Variants in PLCL1 observed in about 807,000 individuals in gnomAD.
PLCL1 encodes the protein inactive phospholipase C-like protein 1.
In PLCL1, 41 loss-of-function variants were observed where a neutral mutation model predicts 84.4. That is an observed-to-expected ratio of 0.49 (90% CI 0.38 to 0.63). The LOEUF is 0.63. Ranked by LOEUF, PLCL1 falls within the 30% of genes least tolerant of loss-of-function variation. The pLI is 0.00. For synonymous variants in PLCL1, 490 were observed against 488.3 expected, an observed-to-expected ratio of 1.00 and a Z score of -0.05; for missense variants, 1,206 against 1,367.8, an observed-to-expected ratio of 0.88 and a Z score of 1.87.
chr2:198,039,097 C>A (rs1271673914), intron 1 of PLCL1, among the ~76,000 whole-genome samples: 1 of 152,032 alleles, frequency 6.6e-6, no homozygotes, highest in Non-Finnish European at 1.5e-5. Context: ...GTTCTTTATA[C>A]ATTTTTGTGG....
intron 1 of PLCL1, among the ~76,000 whole-genome samples, chr2:197,830,528 G>T (rs1691034758): frequency 6.6e-6 from 1 of 152,062 alleles, no homozygotes; most frequent in Non-Finnish European, 1.5e-5. Context: ...TATGTGAAAA[G>T]GCCAAACCTA....
At chr2:198,036,924 TGGATCCTGTTACCCTTATCAATCCAGTG>T (rs1691563917) in intron 1 of PLCL1, among the ~76,000 whole-genome samples, 1 of 152,200 alleles carries the variant, frequency 6.6e-6, no homozygotes, top group Non-Finnish European at 1.5e-5. Flanking sequence ...TCCCAGAGGC[TGGATCCTGTTACCCTTATCAATCCAGTG>T]GGCAATGCCA....
intron 5 of PLCL1, among the ~76,000 whole-genome samples, chr2:198,118,569 G>A (rs528954228): frequency 6.6e-6 from 1 of 152,100 alleles, no homozygotes; most frequent in South Asian, 2.1e-4. Context: ...AATTTTCATT[G>A]AAGTTAAACA....
intron 1 of PLCL1, among the ~76,000 whole-genome samples, chr2:197,988,752 C>T (rs1281333764): frequency 1.3e-5 from 2 of 152,158 alleles, no homozygotes; most frequent in African/African-American, 4.8e-5. Flanking sequence ...AGTGAGATTG[C>T]TGGATCGGAT....
At chr2:198,027,320 A>C (rs934995398) in intron 1 of PLCL1, among the ~76,000 whole-genome samples, 1 of 152,136 alleles carries the variant, frequency 6.6e-6, no homozygotes, top group Non-Finnish European at 1.5e-5. Flanking sequence ...CATGGAAGCA[A>C]AGACTAGAAT....
At chr2:197,989,954 GC>G (rs1483893996) in intron 1 of PLCL1, among the ~76,000 whole-genome samples, 2 of 152,182 alleles carry the variant, frequency 1.3e-5, no homozygotes, top group Non-Finnish European at 2.9e-5. Context: ...TACAGATAGT[GC>G]CTACTGGTAA....
At chr2:198,077,454 C>T (rs916510429) in intron 1 of PLCL1, among the ~76,000 whole-genome samples, 9 of 152,120 alleles carry the variant, frequency 5.9e-5, no homozygotes, top group Non-Finnish European at 8.8e-5. Context: ...ATTTCCAACA[C>T]GCTTTCCTTT....
At chr2:198,069,234 T>TA (rs1318533277) in intron 1 of PLCL1, among the ~76,000 whole-genome samples, 1 of 151,736 alleles carries the variant, frequency 6.6e-6, no homozygotes, top group East Asian at 1.9e-4. Flanking sequence ...CTCATGCCTG[T>TA]AATCCCAGCA....
intron 1 of PLCL1, among the ~76,000 whole-genome samples, chr2:197,951,006 A>T (rs1689380262): frequency 1.3e-5 from 2 of 152,080 alleles, no homozygotes; most frequent in Admixed American, 6.6e-5. Context: ...CCTTCTGTAG[A>T]AGTTGCTACT....
intron 1 of PLCL1, among the ~76,000 whole-genome samples, chr2:197,835,301 AC>A (rs1210750871): frequency 1.3e-5 from 2 of 152,212 alleles, no homozygotes; most frequent in Non-Finnish European, 2.9e-5. Flanking sequence ...TAATAAAAAA[AC>A]CATAGTGTTA....
At chr2:197,840,336 T>C (rs1686970881) in intron 1 of PLCL1, among the ~76,000 whole-genome samples, 2 of 152,106 alleles carry the variant, frequency 1.3e-5, no homozygotes, top group South Asian at 4.2e-4. Context: ...ACTTCATCGG[T>C]TGATTAAAAT....
Position 198,149,179 on chromosome 2 carries a change from A to T in PLCL1, c.*2217A>T, listed in dbSNP as rs1207879526. The stretch of plus-strand genomic sequence containing the variant: ...GCCTCCAGATAGAATAGCAAAAACA[A>T]ACAATTTTTTTTTGTGTATTATGCC... On this transcript the variant is annotated 3_prime_UTR_variant, in exon 6 of 6. Transcript: ENST00000428675. 6.6e-6 allele frequency: 1 copy of T among 152,222 alleles called. No homozygotes were observed. Among genetic ancestry groups the T allele is most frequent in the Non-Finnish European group, 1.5e-5 (1 of 68,026 alleles). 9.4% of individuals were successfully genotyped at this position (152,222 alleles called of 1,614,324 possible).
chr2:197,877,869 CTT>C (rs1259133303), intron 1 of PLCL1, among the ~76,000 whole-genome samples: 1 of 152,080 alleles, frequency 6.6e-6, no homozygotes, highest in Non-Finnish European at 1.5e-5. Context: ...CCTCAAACCT[CTT>C]AAAATTGTGT....
At chr2:197,874,045 A>T (rs967692644) in intron 1 of PLCL1, among the ~76,000 whole-genome samples, 62 of 152,208 alleles carry the variant, frequency 4.1e-4, no homozygotes, top group African/African-American at 1.4e-3. Context: ...ACAAAAATGT[A>T]ATTTCAAAGC....
At chr2:198,027,278 CCT>C (rs1365376806) in intron 1 of PLCL1, among the ~76,000 whole-genome samples, 1 of 151,954 alleles carries the variant, frequency 6.6e-6, no homozygotes, top group Non-Finnish European at 1.5e-5. Context: ...TACCACCTGC[CCT>C]CTCTCATATG....
chr2:198,027,076 G>T (rs1039902142), intron 1 of PLCL1, among the ~76,000 whole-genome samples: 3 of 152,254 alleles, frequency 2.0e-5, no homozygotes, highest in East Asian at 1.9e-4. Flanking sequence ...CGTTCATTAC[G>T]CATTGTCGAC....
At chr2:197,881,666 A>G (rs1687832275) in intron 1 of PLCL1, among the ~76,000 whole-genome samples, 2 of 152,182 alleles carry the variant, frequency 1.3e-5, no homozygotes, top group Admixed American at 1.3e-4. Flanking sequence ...AAACTTCAGT[A>G]TGCTGTTTGA....
chr2:197,953,614 T>A (rs2105783934), intron 1 of PLCL1, among the ~76,000 whole-genome samples: 1 of 152,152 alleles, frequency 6.6e-6, no homozygotes, highest in South Asian at 2.1e-4. Flanking sequence ...AGAGGCATAT[T>A]GGAGTTCAGG....
At chr2:197,976,237 C>T (rs993654439) in intron 1 of PLCL1, among the ~76,000 whole-genome samples, 14 of 152,110 alleles carry the variant, frequency 9.2e-5, no homozygotes, top group African/African-American at 3.1e-4. Context: ...TTGTGAATTC[C>T]ACTCTATCCT....
Sources: allele counts gnomAD v4.1 joint callset (sites outside exome capture counted in the v4.1 genomes callset), GRCh38; gene constraint gnomAD v4.1.1; transcripts MANE v1.5; gene names NCBI Gene and HGNC (gene_info 2026-07-23, HGNC 2026-07-21).